Variants in TEC observed in about 807,000 individuals in gnomAD.
The protein encoded by TEC is tec protein tyrosine kinase.
In TEC, 72 loss-of-function variants were observed where a neutral mutation model predicts 93.0. The observed-to-expected ratio is 0.77, with a 90% CI of 0.64 to 0.94. The LOEUF is 0.94. Ranked by LOEUF, TEC falls within the 40% of genes least tolerant of loss-of-function variation. The pLI, the probability that TEC is intolerant of heterozygous loss-of-function variation, is 0.00. For missense variants in TEC, 630 were observed against 757.9 expected, an observed-to-expected ratio of 0.83 and a Z score of 1.98; for synonymous variants, 249 against 247.7, an observed-to-expected ratio of 1.01 and a Z score of -0.05.
At chr4:48,176,471 A>G (rs1037608086) in intron 2 of TEC, among the ~76,000 whole-genome samples, 1 of 152,192 alleles carries the variant, frequency 6.6e-6, no homozygotes, top group African/African-American at 2.4e-5. Context: ...CTGTAATCCC[A>G]GCACTTTGAG....
intron 11 of TEC, 69 bp downstream of exon 11, chr4:48,149,488 A>C (rs1247193442): frequency 1.4e-6 from 2 of 1,422,942 alleles, no homozygotes; most frequent in Non-Finnish European, 1.9e-6. Flanking sequence ...TGCTCAAGGA[A>C]TTAATCACAG....
At chr4:48,222,205 G>T (rs1378451181) in intron 2 of TEC, among the ~76,000 whole-genome samples, 1 of 152,170 alleles carries the variant, frequency 6.6e-6, no homozygotes, top group Non-Finnish European at 1.5e-5. Flanking sequence ...CAAATAGATT[G>T]AAGAGTATTA....
chr4:48,211,011 A>G (rs1722882416), intron 2 of TEC, among the ~76,000 whole-genome samples: 1 of 152,108 alleles, frequency 6.6e-6, no homozygotes, highest in Non-Finnish European at 1.5e-5. Context: ...TGATCCATTT[A>G]CCCCTCAAAA....
intron 11 of TEC, among the ~76,000 whole-genome samples, chr4:48,148,788 C>T (rs904917732): frequency 2.6e-5 from 4 of 152,102 alleles, no homozygotes; most frequent in Non-Finnish European, 5.9e-5. Flanking sequence ...AAGCCTAGTA[C>T]CCATTAGTTG....
intron 1 of TEC, among the ~76,000 whole-genome samples, chr4:48,247,361 G>A (rs764647157): frequency 4.6e-5 from 7 of 152,090 alleles, no homozygotes; most frequent in Admixed American, 2.0e-4. Flanking sequence ...TAGAATTTTC[G>A]TATGACTCAG....
Position 48,232,304 on chromosome 4 carries a change from AC to A in TEC, c.-45-3646del, listed in dbSNP as rs201470956. On this transcript the variant is annotated intron_variant, in intron 1 of 17. Coordinates refer to ENST00000381501, the MANE Select transcript of TEC (RefSeq NM_003215.3). ...ACTCTGTCTCAAAAAAACAAAAAAA[AC>A]AAAACAAAAAAAAAACACCTTATCT... Among the ~76,000 whole-genome samples the A allele has an allele frequency of 4.1e-3, 533 of 130,488 alleles. 1 individual carries two copies. Among genetic ancestry groups the A allele is most frequent in the African/African-American group, 0.017 (495 of 29,614 alleles). The allele number at this position is 130,488 out of a possible 152,430, so 85.6% of individuals were successfully genotyped here. A position where few individuals can be genotyped will look rare whatever the true frequency, so the allele number is the denominator to read the frequency against.
Position 48,201,135 on chromosome 4 carries a change from C to G in TEC, c.139-24949G>C, listed in dbSNP as rs537002160. Among the ~76,000 whole-genome samples, 9 of 152,060 alleles carry G rather than the reference C, an allele frequency of 5.9e-5. No homozygotes were observed. The South Asian group carries it at 1.9e-3, about 32-fold the overall frequency. ...ACTGAGATATATTTAGAAGGTGGAA[C>G]CAATAGAACCTGTTGAGAGTCCAGA... On this transcript the variant is annotated intron_variant, in intron 2 of 17. Transcript: ENST00000381501.
intron 15 of TEC, among the ~76,000 whole-genome samples, 186 bp from the exon 16 acceptor site, chr4:48,139,208 T>A (rs1719561192): frequency 6.6e-6 from 1 of 152,262 alleles, no homozygotes; most frequent in African/African-American, 2.4e-5. Flanking sequence ...TCAGCTTAAT[T>A]TAAGTGCATG....
chr4:48,165,109 G>A (rs1363741848), intron 7 of TEC, among the ~76,000 whole-genome samples: 3 of 152,180 alleles, frequency 2.0e-5, no homozygotes, highest in South Asian at 2.1e-4. Flanking sequence ...CACTGAGCCA[G>A]AAAGTAGGAA....
At position 48,185,302 on chromosome 4, in the gene TEC, T is replaced by G. The variant is rs951946024; in HGVS notation, c.139-9116A>C. On this transcript the variant is annotated intron_variant, in intron 2 of 17. Transcript: ENST00000381501. ...TTTCCCTTTCCACTCAGAACAGATT[T>G]AGAAGAATGGGTCTTAAGTACAGCA... 1.3e-4 allele frequency among the ~76,000 whole-genome samples: 20 copies of G among 152,198 alleles called. 1 individual carries two copies. Among genetic ancestry groups the G allele is most frequent in the Non-Finnish European group, 2.8e-4 (19 of 68,034 alleles).
rs1362963875 is a variant in TEC at position 48,186,673 on chromosome 4, G to C, written c.139-10487C>G. On this transcript the variant is annotated intron_variant, in intron 2 of 17. Coordinates refer to ENST00000381501, the MANE Select transcript of TEC (RefSeq NM_003215.3). ...CCTGCGCCTGGCAGCCTCCCCGTCT[G>C]CGAAGTGAGGAGCCCCTCCGCCCGG... 2.0e-5 allele frequency among the ~76,000 whole-genome samples: 3 copies of C among 151,814 alleles called. No homozygotes were observed. In the South Asian group the frequency reaches 6.2e-4, roughly 32 times the overall value.
At chr4:48,262,638 G>T (rs1724527425) in intron 1 of TEC, among the ~76,000 whole-genome samples, 1 of 152,148 alleles carries the variant, frequency 6.6e-6, no homozygotes, top group Non-Finnish European at 1.5e-5. Flanking sequence ...AAACTATACT[G>T]CCTGGAAAAG....
intron 12 of TEC, 52 bp downstream of exon 12, chr4:48,146,273 A>T (rs769756435): frequency 1.0e-5 from 16 of 1,543,976 alleles, no homozygotes; most frequent in Non-Finnish European, 1.3e-5. Flanking sequence ...TCTTATGACA[A>T]TGGATTCTTT....
chr4:48,167,927 T>C lies in TEC; in HGVS notation c.522A>G (p.Leu174=), dbSNP rs1191195900. ...TTTCTTCACTATTATCTTCTTCTTC[T>C]AGTGGAATTGGTGGGGGAGGCCTTC... The part of the protein sequence containing the change: ...KKRRPPPPIP[L]EEEDNSEEIV... The change falls in exon 7 of 18, where the codon CTA becomes CTG. Residue 174 remains leucine (L), a synonymous_variant. Transcript: ENST00000381501. 9.9e-6 allele frequency: 16 copies of C among 1,613,874 alleles called. No individual in the cohort carries two copies. The highest frequency in any genetic ancestry group is 1.4e-5 in the Non-Finnish European group (16 of 1,179,852).
chr4:48,184,594 A>C (rs529396244), intron 2 of TEC, among the ~76,000 whole-genome samples: 6 of 152,128 alleles, frequency 3.9e-5, no homozygotes, highest in Non-Finnish European at 7.3e-5. Flanking sequence ...CTGTTTGTAC[A>C]TATATTGCTA....
chr4:48,237,936 C>T (rs985526651), intron 1 of TEC, among the ~76,000 whole-genome samples: 4 of 152,210 alleles, frequency 2.6e-5, no homozygotes, highest in Non-Finnish European at 5.9e-5. Flanking sequence ...AAATCAAATG[C>T]TGTGGTGCCT....
intron 11 of TEC, among the ~76,000 whole-genome samples, chr4:48,147,258 C>G (rs186566870): frequency 1.3e-5 from 2 of 152,114 alleles, no homozygotes; most frequent in African/African-American, 4.8e-5. Flanking sequence ...CGCAGCATAC[C>G]CATAACTAGG....
Position 48,138,893 on chromosome 4 carries a change from A to G in TEC, c.1654+11T>C. 1 of 1,614,126 alleles carries G rather than the reference A, an allele frequency of 6.2e-7. No homozygotes were observed. Among genetic ancestry groups the G allele is most frequent in the East Asian group, 2.2e-5 (1 of 44,890 alleles). On this transcript the variant is annotated intron_variant, in intron 16 of 17. Coordinates refer to ENST00000381501, the MANE Select transcript of TEC (RefSeq NM_003215.3). ...TCAGGGCGGACGGACATGAGGAAACATGGATCTTACCAAATGACCAGACAT... is the reference window on the plus strand; with the variant it reads ...TCAGGGCGGACGGACATGAGGAAACGTGGATCTTACCAAATGACCAGACAT...
intron 1 of TEC, among the ~76,000 whole-genome samples, chr4:48,258,453 T>G (rs1324446448): frequency 4.6e-5 from 7 of 152,224 alleles, no homozygotes; most frequent in Non-Finnish European, 1.0e-4. Context: ...AAATGCATTC[T>G]TTATTTCTCT....
Sources: allele counts gnomAD v4.1 joint callset (sites outside exome capture counted in the v4.1 genomes callset), GRCh38; gene constraint gnomAD v4.1.1; transcripts MANE v1.5; gene names NCBI Gene and HGNC (gene_info 2026-07-23, HGNC 2026-07-21).